TRHDE: variants seen among roughly 807,000 people sequenced by gnomAD.
TRHDE encodes thyrotropin-releasing hormone-degrading ectoenzyme.
TRHDE carries 72 observed loss-of-function variants against 125.7 expected under a neutral mutation model. The ratio of observed to expected loss-of-function variants is 0.57; its 90% CI spans 0.47 to 0.70. The LOEUF (loss-of-function observed/expected upper bound fraction) is 0.70. Among genes scored for constraint, TRHDE ranks in the 30% least tolerant of loss-of-function variants. TRHDE has a pLI of 0.00. For missense variants in TRHDE, 1,110 were observed against 1,327.1 expected (o/e 0.84, Z 2.54); for synonymous variants, 509 against 509.1 (o/e 1.00, Z 0.00).
At chr12:72,405,316 A>G (rs1160607803) in intron 3 of TRHDE, among the ~76,000 whole-genome samples, 3 of 152,134 alleles carry the variant, frequency 2.0e-5, no homozygotes, top group African/African-American at 7.2e-5. Flanking sequence ...ATTTGTTTAT[A>G]ACTTGCCTAT....
intron 7 of TRHDE, among the ~76,000 whole-genome samples, chr12:72,556,463 C>T (rs936020630): frequency 6.6e-6 from 1 of 152,172 alleles, no homozygotes; most frequent in African/African-American, 2.4e-5. Context: ...TTTAGCTGTT[C>T]CCATTAGAGT....
chr12:72,157,070 G>T (rs1876530255), intron 2 of TRHDE, among the ~76,000 whole-genome samples: 1 of 151,930 alleles, frequency 6.6e-6, no homozygotes, highest in Non-Finnish European at 1.5e-5. Flanking sequence ...GGGGATGATT[G>T]TTCTGGGCAG....
intron 2 of TRHDE, among the ~76,000 whole-genome samples, chr12:72,222,420 T>C (rs1053510244): frequency 1.3e-5 from 2 of 152,126 alleles, no homozygotes; most frequent in African/African-American, 4.8e-5. Flanking sequence ...TCTGCACTGA[T>C]AACTGGCATC....
At chr12:72,353,533 G>A (rs2135743037) in intron 2 of TRHDE, among the ~76,000 whole-genome samples, 1 of 151,618 alleles carries the variant, frequency 6.6e-6, no homozygotes, top group Non-Finnish European at 1.5e-5. Flanking sequence ...CACAAGAGAA[G>A]TACTAGTCAT....
intron 6 of TRHDE, among the ~76,000 whole-genome samples, chr12:72,505,828 A>T (rs1239269950): frequency 6.6e-6 from 1 of 152,200 alleles, no homozygotes; most frequent in Non-Finnish European, 1.5e-5. Context: ...TCATCTCTAG[A>T]AATGAATAGG....
chr12:72,632,897 A>T (rs1362046496), intron 15 of TRHDE, among the ~76,000 whole-genome samples: 2 of 150,846 alleles, frequency 1.3e-5, no homozygotes, highest in Non-Finnish European at 3.0e-5. Flanking sequence ...TTTTCCTTTG[A>T]TGTCTCCTTT....
At chr12:72,488,410 C>A (rs1877511472) in intron 5 of TRHDE, among the ~76,000 whole-genome samples, 1 of 151,828 alleles carries the variant, frequency 6.6e-6, no homozygotes, top group African/African-American at 2.4e-5. Flanking sequence ...TCAAAAGAGG[C>A]AAAGATGGTT....
chr12:72,630,414 A>T (rs1215343558), intron 15 of TRHDE, among the ~76,000 whole-genome samples: 2 of 151,738 alleles, frequency 1.3e-5, no homozygotes, highest in Non-Finnish European at 2.9e-5. Context: ...AGGCATGGGT[A>T]TATTTTCCCT....
intron 2 of TRHDE, among the ~76,000 whole-genome samples, chr12:72,113,439 A>G (rs1296744734): frequency 2.6e-5 from 4 of 151,834 alleles, no homozygotes; most frequent in East Asian, 4.0e-4. Context: ...AGCCTGGCCA[A>G]TATGGCGAAA....
At chr12:72,343,706 T>A (rs539747800) in intron 2 of TRHDE, among the ~76,000 whole-genome samples, 1 of 152,252 alleles carries the variant, frequency 6.6e-6, no homozygotes, top group Admixed American at 6.5e-5. Context: ...TCTTATATGA[T>A]TTTTGAAGTG....
chr12:72,273,127 C>G lies in TRHDE; in HGVS notation c.484C>G (p.Pro162Ala). 3 of 1,543,820 alleles carry G rather than the reference C, an allele frequency of 1.9e-6. No homozygotes were observed. Among genetic ancestry groups the G allele is most frequent in the Non-Finnish European group, 2.6e-6 (3 of 1,145,150 alleles). ...GCCCGAGGCGGGTGGGGTGGCCAGT[C>G]CGGGGACCACGTCGGCCCAGCCGCC... ...WQPEAGGVASPGTTSAQPPSE... is the reference protein window; with the variant it reads ...WQPEAGGVASAGTTSAQPPSE... Residue 162 changes from proline to alanine, a missense_variant, in exon 1 of 19, where the codon CCG becomes GCG. This residue lies in a region of TRHDE where 248 missense variants were observed against 240.8 expected (regional missense o/e 1.03). Transcript: ENST00000261180. The surrounding 1 kb of genome is among the most constrained non-coding windows in gnomAD (Gnocchi z 5.3).
chr12:72,210,668 T>G (rs1425082507), intron 2 of TRHDE, among the ~76,000 whole-genome samples: 2 of 152,300 alleles, frequency 1.3e-5, no homozygotes, highest in African/African-American at 4.8e-5. Flanking sequence ...ACAATTTATA[T>G]TTTCCTTTGG....
intron 3 of TRHDE, among the ~76,000 whole-genome samples, chr12:72,394,139 C>A (rs1049784279): frequency 3.3e-5 from 5 of 152,266 alleles, no homozygotes; most frequent in African/African-American, 1.2e-4. Context: ...CTTACTTTAT[C>A]ATGCTTAATT....
At chr12:72,321,540 A>G (rs777497801) in intron 2 of TRHDE, among the ~76,000 whole-genome samples, 1 of 152,162 alleles carries the variant, frequency 6.6e-6, no homozygotes, top group Non-Finnish European at 1.5e-5. Context: ...ATTTGATGCT[A>G]CATACATCTA....
At chr12:72,231,313 C>T (rs1878241377) in intron 2 of TRHDE, among the ~76,000 whole-genome samples, 1 of 152,122 alleles carries the variant, frequency 6.6e-6, no homozygotes, top group African/African-American at 2.4e-5. Flanking sequence ...ATTCCCCTCC[C>T]TCTCAAATCA....
intron 15 of TRHDE, among the ~76,000 whole-genome samples, chr12:72,650,218 T>G (rs1489940427): frequency 1.3e-5 from 2 of 152,102 alleles, no homozygotes; most frequent in Non-Finnish European, 2.9e-5. Context: ...ACGACGTTTT[T>G]CAATATTGAC....
chr12:72,459,018 A>G (rs1876002892), intron 3 of TRHDE, among the ~76,000 whole-genome samples: 2 of 152,310 alleles, frequency 1.3e-5, no homozygotes, highest in South Asian at 2.1e-4. Flanking sequence ...ATGTAGGCTG[A>G]AAGTCTGACA....
intron 1 of TRHDE, among the ~76,000 whole-genome samples, chr12:72,102,931 G>A (rs534176161): frequency 2.6e-5 from 4 of 152,212 alleles, no homozygotes; most frequent in Admixed American, 2.6e-4. Context: ...TGGGCAGCCC[G>A]TATCCAATGG....
chr12:72,396,260 G>A (rs1420367511), intron 3 of TRHDE, among the ~76,000 whole-genome samples: 1 of 152,062 alleles, frequency 6.6e-6, no homozygotes. Context: ...CTCTGTTACT[G>A]TTAATAGCAT....
Sources: gnomAD v4.1 joint callset for allele counts (sites outside exome capture counted in the v4.1 genomes callset) on GRCh38, gnomAD v4.1.1 for gene constraint, gnomAD v4.1.1 regional missense constraint, Gnocchi (gnomAD v3.1) non-coding constraint, MANE v1.5 for transcripts, NCBI Gene and HGNC (gene_info 2026-07-23, HGNC 2026-07-21) for gene names.